Variants in CTTNBP2 observed in about 807,000 individuals in gnomAD.
CTTNBP2 encodes the protein cortactin-binding protein 2.
Under a neutral mutation model 156.9 loss-of-function variants are expected in CTTNBP2, and 108 were observed. The ratio of observed to expected loss-of-function variants is 0.69; its 90% CI spans 0.59 to 0.81. The LOEUF is 0.81. CTTNBP2 is among the 30% of genes least tolerant of loss of function. The probability of loss-of-function intolerance (pLI) is 0.00; values close to 1 mark genes in which losing one functional copy is unlikely to be tolerated. For synonymous variants in CTTNBP2, 767 were observed against 751.8 expected (o/e 1.02, Z -0.33); for missense variants, 1,924 against 2,035.4 (o/e 0.95, Z 1.05).
intron 16 of CTTNBP2, among the ~76,000 whole-genome samples, chr7:117,731,025 G>A (rs1033683139): frequency 4.6e-5 from 7 of 152,008 alleles, no homozygotes; most frequent in Admixed American, 2.6e-4. Context: ...CTTAAGAAGG[G>A]GTAAGAGAAT....
chr7:117,843,083 C>G (rs2193262), intron 2 of CTTNBP2, among the ~76,000 whole-genome samples: 1 of 151,910 alleles, frequency 6.6e-6, no homozygotes, highest in East Asian at 1.9e-4. Flanking sequence ...GTACTAAACA[C>G]GTACAAACTT....
intron 12 of CTTNBP2, 100 bp from the exon 13 acceptor site, chr7:117,746,199 C>A: frequency 1.3e-6 from 1 of 757,430 alleles, no homozygotes. Context: ...TGTCCTCATA[C>A]TTTCAAAAGA....
At position 117,861,247 on chromosome 7, in the gene CTTNBP2, C is replaced by T; in HGVS notation, c.151G>A (p.Glu51Lys). 6.2e-7 allele frequency: 1 copy of T among 1,613,778 alleles called. No individual in the cohort carries two copies. Among genetic ancestry groups the T allele is most frequent in the Non-Finnish European group, 8.5e-7 (1 of 1,179,860 alleles). The part of the protein sequence containing the change: ...LRMLLSVMEG[E>K]LEARDLVIEA... ...ATGACAAGGTCTCTGGCCTCCAGCT[C>T]CCCTTCCATCACGCTGAGGAGCATC... is the stretch of plus-strand genomic sequence containing the variant. Residue 51 changes from glutamate (E) to lysine (K), a missense_variant, in exon 2 of 23, where the codon GAG (glutamate) becomes AAG (lysine). Physicochemically the swap from Glu to Lys is moderately conservative, Grantham distance 56. Coordinates refer to ENST00000160373, the MANE Select transcript of CTTNBP2 (RefSeq NM_033427.3).
At chr7:117,806,252 G>A (rs1799934916) in intron 3 of CTTNBP2, among the ~76,000 whole-genome samples, 1 of 152,282 alleles carries the variant, frequency 6.6e-6, no homozygotes, top group South Asian at 2.1e-4. Flanking sequence ...TGAATGAAGA[G>A]GCACCAAACA....
At chr7:117,839,696 A>G (rs961263653) in intron 2 of CTTNBP2, among the ~76,000 whole-genome samples, 53 of 152,284 alleles carry the variant, frequency 3.5e-4, no homozygotes, top group African/African-American at 1.2e-3. Flanking sequence ...ACCAGAGCCC[A>G]GTTTTAGTTC....
intron 1 of CTTNBP2, chr7:117,871,914 T>C: frequency 1.0e-6 from 1 of 979,866 alleles, no homozygotes; most frequent in Non-Finnish European, 1.2e-6. Flanking sequence ...TCCCACCTTT[T>C]GGGGATGAAG....
chr7:117,777,680 T>C lies in CTTNBP2; in HGVS notation c.2609A>G (p.His870Arg), dbSNP rs963303690. 1.9e-6 allele frequency: 3 copies of C among 1,614,046 alleles called. No individual in the cohort carries two copies. Among genetic ancestry groups the C allele is most frequent in the South Asian group, 1.1e-5 (1 of 91,082 alleles). ...KLLMYHRIPA[H>R]GNSFNEEESE... ...CTCCTCCTCATTGAAAGAATTTCCATGAGCTGGTATTCTATGGTACATAAG... is the reference window on the plus strand; with the variant it reads ...CTCCTCCTCATTGAAAGAATTTCCACGAGCTGGTATTCTATGGTACATAAG... The change falls in exon 8 of 23, where the codon CAT (histidine) becomes CGT (arginine). Residue 870 changes from histidine to arginine, a missense_variant. Physicochemically the swap from His to Arg is conservative, Grantham distance 29. Coordinates refer to ENST00000160373, the MANE Select transcript of CTTNBP2 (RefSeq NM_033427.3).
At chr7:117,864,373 T>A (rs1407977757) in intron 1 of CTTNBP2, among the ~76,000 whole-genome samples, 1 of 151,988 alleles carries the variant, frequency 6.6e-6, no homozygotes, top group Non-Finnish European at 1.5e-5. Flanking sequence ...CCCCCACTTC[T>A]CCACTACTAG....
At chr7:117,746,237 T>G (rs1796324271) in intron 12 of CTTNBP2, 138 bp from the exon 13 acceptor site, 2 of 636,898 alleles carry the variant, frequency 3.1e-6, no homozygotes, top group Non-Finnish European at 5.5e-6. Context: ...GAGATTAGCT[T>G]TATCATTGGA....
At chr7:117,839,510 T>C (rs1802152461) in intron 2 of CTTNBP2, among the ~76,000 whole-genome samples, 1 of 152,244 alleles carries the variant, frequency 6.6e-6, no homozygotes, top group African/African-American at 2.4e-5. Flanking sequence ...ACACTTGTAA[T>C]GTGACAAATT....
chr7:117,868,336 T>C (rs572517378), intron 1 of CTTNBP2, among the ~76,000 whole-genome samples: 1 of 152,340 alleles, frequency 6.6e-6, no homozygotes, highest in African/African-American at 2.4e-5. Flanking sequence ...ATCTTGTCTT[T>C]TCAATGAAAT....
intron 8 of CTTNBP2, among the ~76,000 whole-genome samples, chr7:117,770,020 C>A (rs1187944759): frequency 6.6e-6 from 1 of 152,194 alleles, no homozygotes; most frequent in African/African-American, 2.4e-5. Context: ...TTCTTATATT[C>A]TTGGCCTGTA....
At chr7:117,821,060 A>C (rs1274469046) in intron 2 of CTTNBP2, among the ~76,000 whole-genome samples, 3 of 152,176 alleles carry the variant, frequency 2.0e-5, no homozygotes, top group Non-Finnish European at 4.4e-5. Context: ...GTAGGACTAT[A>C]ACTGATTTTT....
chr7:117,873,123 A>T (rs1804741110), intron 1 of CTTNBP2, among the ~76,000 whole-genome samples: 1 of 152,118 alleles, frequency 6.6e-6, no homozygotes, highest in Non-Finnish European at 1.5e-5. Flanking sequence ...AAGGGACAGG[A>T]GGGATCCCCA....
chr7:117,713,453 T>G (rs192656804), intron 22 of CTTNBP2, among the ~76,000 whole-genome samples: 1 of 152,334 alleles, frequency 6.6e-6, no homozygotes, highest in East Asian at 1.9e-4. Flanking sequence ...GCTTGGCTCA[T>G]TACTGGCTAA....
In CTTNBP2 at chr7:117,756,560, T is replaced by C. The variant is rs781758323; in HGVS notation, c.3343A>G (p.Arg1115Gly). 5 of 1,610,554 alleles carry C rather than the reference T, an allele frequency of 3.1e-6. No individual in the cohort carries two copies. The South Asian group carries it at 4.4e-5, about 14-fold the overall frequency. Reference protein sequence around the residue: ...IPLQMMQNYLRLVEQYHNVIF... With the variant: ...IPLQMMQNYLGLVEQYHNVIF... The stretch of plus-strand genomic sequence containing the variant: ...ACCCAGCAGTGTCCACCTACCAGCC[T>C]GAGGTAGTTCTGCATCATCTGGAGA... Residue 1115 changes from arginine (R) to glycine (G), a missense_variant, in exon 12 of 23, where the codon AGG becomes GGG. Coordinates refer to ENST00000160373, the MANE Select transcript of CTTNBP2 (RefSeq NM_033427.3).
chr7:117,747,242 A>ATG (rs1002119448), intron 12 of CTTNBP2, among the ~76,000 whole-genome samples: 2 of 152,070 alleles, frequency 1.3e-5, no homozygotes, highest in African/African-American at 4.8e-5. Flanking sequence ...CAATGTAAGA[A>ATG]TGTGTGTGTG....
At chr7:117,814,590 G>C (rs779271611) in intron 2 of CTTNBP2, among the ~76,000 whole-genome samples, 4 of 152,172 alleles carry the variant, frequency 2.6e-5, no homozygotes, top group African/African-American at 9.6e-5. Flanking sequence ...ACTACGCCCA[G>C]CTAATTTTTA....
rs1369157463 is a variant in CTTNBP2 at position 117,772,014 on chromosome 7, A to G, written c.2779-4838T>C. On this transcript the variant is annotated intron_variant, in intron 8 of 22. Coordinates refer to ENST00000160373, the MANE Select transcript of CTTNBP2 (RefSeq NM_033427.3). ...CGTGGTCAAAGCCTAACACGCACTA[A>G]GGAAGGAGACAGAAGTGTGCCTAGG... Among the ~76,000 whole-genome samples the G allele has an allele frequency of 2.0e-5, 3 of 152,190 alleles. No homozygotes were observed. In the East Asian group the frequency reaches 5.8e-4, roughly 29 times the overall value.
Sources: gnomAD v4.1 joint callset for allele counts (sites outside exome capture counted in the v4.1 genomes callset) on GRCh38, gnomAD v4.1.1 for gene constraint, MANE v1.5 for transcripts, NCBI Gene and HGNC (gene_info 2026-07-23, HGNC 2026-07-21) for gene names.